Variants in WDR7 observed in about 807,000 individuals in gnomAD.
The protein encoded by WDR7 is WD repeat domain 7, also known as WD repeat-containing protein 7.
In WDR7, 46 loss-of-function variants were observed where a neutral mutation model predicts 169.4. The observed-to-expected ratio is 0.27, with a 90% CI of 0.21 to 0.35. The LOEUF (loss-of-function observed/expected upper bound fraction) is 0.35, where lower values mean the gene tolerates loss of function less well. Among genes scored for constraint, WDR7 ranks in the 10% least tolerant of loss-of-function variants. The pLI, the probability that WDR7 is intolerant of heterozygous loss-of-function variation, is 1.00. For missense variants in WDR7, 1,534 were observed against 1,859.3 expected (o/e 0.83, Z 3.22); for synonymous variants, 612 against 666.8 (o/e 0.92, Z 1.27).
intron 21 of WDR7, among the ~76,000 whole-genome samples, chr18:56,919,030 CTGTG>C (rs776495708): frequency 1.3e-5 from 2 of 152,150 alleles, no homozygotes; most frequent in Non-Finnish European, 2.9e-5. Context: ...TGTTTGTTCA[CTGTG>C]TGTGCAGTAT....
chr18:57,026,973 A>G, intron 27 of WDR7, 31 bp from the exon 28 acceptor site: 1 of 1,601,738 alleles, frequency 6.2e-7, no homozygotes, highest in Non-Finnish European at 8.5e-7. Flanking sequence ...AGGGCTGTTC[A>G]AGTGACACAT....
In WDR7 at chr18:56,743,569, T is replaced by C. The variant is rs533578201; in HGVS notation, c.1989+11972T>C. Among the ~76,000 whole-genome samples the C allele has an allele frequency of 2.0e-5, 3 of 152,308 alleles. No homozygotes were observed. The South Asian group carries it at 6.2e-4, about 32-fold the overall frequency. ...AGAAGGATCGAAATGTGTTTGTCAATGAAGTCATTAGTATTCTTTTTAAGA... is the reference window on the plus strand; with the variant it reads ...AGAAGGATCGAAATGTGTTTGTCAACGAAGTCATTAGTATTCTTTTTAAGA... On this transcript the variant is annotated intron_variant, in intron 14 of 27. Transcript: ENST00000254442.
At chr18:56,800,592 T>C (rs1178834554) in intron 19 of WDR7, among the ~76,000 whole-genome samples, 2 of 151,946 alleles carry the variant, frequency 1.3e-5, no homozygotes, top group African/African-American at 4.8e-5. Context: ...GGGGCCAAGA[T>C]CCAGGACCTT....
At chr18:56,852,243 G>A (rs1049591141) in intron 20 of WDR7, among the ~76,000 whole-genome samples, 1 of 152,202 alleles carries the variant, frequency 6.6e-6, no homozygotes, top group African/African-American at 2.4e-5. Flanking sequence ...CTACCTGGGT[G>A]CAGAAATTCA....
chr18:56,774,097 G>A (rs983347041), intron 16 of WDR7, among the ~76,000 whole-genome samples: 5 of 151,970 alleles, frequency 3.3e-5, no homozygotes, highest in East Asian at 1.9e-4. Flanking sequence ...GGCTACTTGT[G>A]TTTATGTGCT....
intron 20 of WDR7, among the ~76,000 whole-genome samples, chr18:56,836,310 C>A (rs2045395314): frequency 6.6e-6 from 1 of 152,176 alleles, no homozygotes; most frequent in African/African-American, 2.4e-5. Context: ...CTGCCACTCC[C>A]AAGCAACCAG....
At chr18:56,959,505 A>T (rs1413335251) in intron 25 of WDR7, among the ~76,000 whole-genome samples, 1 of 152,168 alleles carries the variant, frequency 6.6e-6, no homozygotes, top group Non-Finnish European at 1.5e-5. Context: ...TGCCTAGCAG[A>T]GGAGAACTGT....
chr18:57,010,607 C>T (rs1485140386), intron 26 of WDR7, among the ~76,000 whole-genome samples: 1 of 151,960 alleles, frequency 6.6e-6, no homozygotes, highest in Non-Finnish European at 1.5e-5. Flanking sequence ...TTTTAGCAAA[C>T]CTAATTTTCA....
chr18:56,652,973 G>A (rs561364611), intron 1 of WDR7, among the ~76,000 whole-genome samples: 2 of 152,120 alleles, frequency 1.3e-5, no homozygotes, highest in South Asian at 4.1e-4. Flanking sequence ...GAAGTTAAAG[G>A]AAGTTGGGTG....
chr18:56,741,315 A>T (rs1012172906), intron 14 of WDR7, among the ~76,000 whole-genome samples: 1 of 152,154 alleles, frequency 6.6e-6, no homozygotes, highest in Non-Finnish European at 1.5e-5. Context: ...AATGTTATCG[A>T]ATCATCTTCT....
intron 17 of WDR7, among the ~76,000 whole-genome samples, chr18:56,778,944 C>T (rs1473399225): frequency 6.6e-6 from 1 of 152,174 alleles, no homozygotes; most frequent in East Asian, 1.9e-4. Flanking sequence ...GAGAGGTCCT[C>T]TGACAGAAAT....
chr18:56,708,647 A>C (rs145825083), intron 12 of WDR7, among the ~76,000 whole-genome samples: 2 of 152,244 alleles, frequency 1.3e-5, no homozygotes, highest in East Asian at 1.9e-4. Flanking sequence ...AAACTTTAGA[A>C]TATAAGGTCA....
chr18:56,726,248 G>A (rs1389716811), intron 13 of WDR7, among the ~76,000 whole-genome samples: 2 of 152,150 alleles, frequency 1.3e-5, no homozygotes, highest in African/African-American at 2.4e-5. Context: ...TGGGCAGTAT[G>A]GCCATTTTCA....
chr18:56,882,222 G>C (rs1219754073), intron 21 of WDR7, among the ~76,000 whole-genome samples: 1 of 152,192 alleles, frequency 6.6e-6, no homozygotes, highest in East Asian at 1.9e-4. Flanking sequence ...TAGCTTATCT[G>C]TCACTTCAGA....
At chr18:56,685,934 T>G (rs369795150) in intron 5 of WDR7, 22 bp from the exon 6 acceptor site, 1 of 1,592,764 alleles carries the variant, frequency 6.3e-7, no homozygotes, top group East Asian at 2.3e-5. Context: ...CTGGGCTGCT[T>G]TTTTGTCCCT....
chr18:56,784,027 T>G (rs1198188808), intron 19 of WDR7, among the ~76,000 whole-genome samples: 1 of 152,188 alleles, frequency 6.6e-6, no homozygotes, highest in Admixed American at 6.5e-5. Context: ...TTTGTCTGCG[T>G]CAGGCTTTGC....
At position 56,709,276 on chromosome 18, in the gene WDR7, A is replaced by G. The variant is rs2026031408; in HGVS notation, c.1579-8688A>G. Among the ~76,000 whole-genome samples the G allele has an allele frequency of 2.0e-5, 3 of 152,190 alleles. No homozygotes were observed. In the South Asian group the frequency reaches 6.2e-4, roughly 31 times the overall value. Reference sequence around the variant, plus strand: ...TTAAAGCAGAGGTATTAATATGAGAAGAAAGTATTGAAAAAGGGAAACTTA... The same window carrying G: ...TTAAAGCAGAGGTATTAATATGAGAGGAAAGTATTGAAAAAGGGAAACTTA... On this transcript the variant is annotated intron_variant, in intron 12 of 27. Coordinates refer to ENST00000254442, the MANE Select transcript of WDR7 (RefSeq NM_015285.3).
intron 26 of WDR7, among the ~76,000 whole-genome samples, chr18:56,981,801 G>A (rs1453306317): frequency 6.6e-6 from 1 of 152,152 alleles, no homozygotes; most frequent in Non-Finnish European, 1.5e-5. Context: ...TAGGAAGGCA[G>A]GCCAGTTGAG....
At chr18:56,741,061 C>A (rs575315524) in intron 14 of WDR7, among the ~76,000 whole-genome samples, 10 of 152,220 alleles carry the variant, frequency 6.6e-5, no homozygotes, top group Non-Finnish European at 1.3e-4. Flanking sequence ...TAGAACATTC[C>A]ATTTCTCATT....
Sources: allele counts gnomAD v4.1 joint callset (sites outside exome capture counted in the v4.1 genomes callset), GRCh38; gene constraint gnomAD v4.1.1; transcripts MANE v1.5; gene names NCBI Gene and HGNC (gene_info 2026-07-23, HGNC 2026-07-21).